STIM1: variants seen among roughly 807,000 people sequenced by gnomAD.
STIM1 encodes the protein stromal interaction molecule 1.
Under a neutral mutation model 74.7 loss-of-function variants are expected in STIM1, and 25 were observed. The observed-to-expected ratio is 0.33, with a 90% CI of 0.24 to 0.47. The LOEUF is 0.47. Among genes scored for constraint, STIM1 ranks in the 20% least tolerant of loss-of-function variants. STIM1 has a pLI of 1.00. For missense variants in STIM1, 728 were observed against 920.8 expected (o/e 0.79, Z 2.71); for synonymous variants, 328 against 348.8 (o/e 0.94, Z 0.66).
chr11:4,000,641 C>A lies in STIM1; in HGVS notation c.271-23232C>A, dbSNP rs2093706407. ...TAAAACCACAAAGATAGGGAAAAAA[C>A]AGAGCAGAAAAACTGGAAACTCTAA... On this transcript the variant is annotated intron_variant, in intron 2 of 12. Coordinates refer to ENST00000526596, the MANE Select transcript of STIM1 (RefSeq NM_001382567.1). Among the ~76,000 whole-genome samples, 3 of 152,114 alleles carry A rather than the reference C, an allele frequency of 2.0e-5. No individual in the cohort carries two copies. The South Asian group carries it at 6.2e-4, about 32-fold the overall frequency.
At chr11:4,052,708 C>T (rs2094253413) in intron 3 of STIM1, among the ~76,000 whole-genome samples, 2 of 152,186 alleles carry the variant, frequency 1.3e-5, no homozygotes, top group Non-Finnish European at 2.9e-5. Flanking sequence ...ACACCAAAAG[C>T]AATGGCAACA....
chr11:3,923,804 G>C (rs1383584029), intron 1 of STIM1, among the ~76,000 whole-genome samples: 1 of 151,966 alleles, frequency 6.6e-6, no homozygotes, highest in Non-Finnish European at 1.5e-5. Context: ...TCAGGTTGTT[G>C]TTCTTCAGCA....
At chr11:3,998,643 T>G (rs2093683974) in intron 2 of STIM1, among the ~76,000 whole-genome samples, 2 of 152,114 alleles carry the variant, frequency 1.3e-5, no homozygotes, top group South Asian at 2.1e-4. Context: ...TAAAATATAG[T>G]CTCTATTTTT....
At chr11:3,872,801 G>T (rs1032480821) in intron 1 of STIM1, among the ~76,000 whole-genome samples, 1 of 152,144 alleles carries the variant, frequency 6.6e-6, no homozygotes, top group African/African-American at 2.4e-5. Context: ...GATTACAGGC[G>T]TGAGCCACCG....
intron 1 of STIM1, among the ~76,000 whole-genome samples, chr11:3,963,541 T>G (rs1165064369): frequency 6.6e-6 from 1 of 152,236 alleles, no homozygotes; most frequent in African/African-American, 2.4e-5. Context: ...TAAAAACATA[T>G]GCCTATGCTA....
chr11:3,918,428 G>A (rs2092676300), intron 1 of STIM1, among the ~76,000 whole-genome samples: 1 of 151,566 alleles, frequency 6.6e-6, no homozygotes, highest in Non-Finnish European at 1.5e-5. Context: ...TGTACCTGTA[G>A]TCCTAGCTAC....
intron 1 of STIM1, among the ~76,000 whole-genome samples, chr11:3,942,386 T>C (rs2093022366): frequency 6.6e-6 from 1 of 152,154 alleles, no homozygotes; most frequent in Non-Finnish European, 1.5e-5. Context: ...CCTTGTAAAC[T>C]TGTAAGTCCC....
chr11:3,965,758 C>T (rs1042954820), intron 1 of STIM1, among the ~76,000 whole-genome samples: 1 of 152,258 alleles, frequency 6.6e-6, no homozygotes, highest in African/African-American at 2.4e-5. Flanking sequence ...GTAATCCCAG[C>T]ACTTCGGGAG....
Position 4,082,296 on chromosome 11 carries a change from A to G in STIM1, c.1082A>G (p.Tyr361Cys), listed in dbSNP as rs1482744518. ...CTGACACATGAGGTGGAGGTGCAATATTACAACATCAAGAAGCAAAATGCT... is the reference window on the plus strand; with the variant it reads ...CTGACACATGAGGTGGAGGTGCAATGTTACAACATCAAGAAGCAAAATGCT... ...LQLTHEVEVQYYNIKKQNAEK... is the reference protein window; with the variant it reads ...LQLTHEVEVQCYNIKKQNAEK... The change falls in exon 8 of 13, where the codon TAT (tyrosine) becomes TGT (cysteine). Residue 361 changes from tyrosine to cysteine, a missense_variant. Tyr to Cys is a radical substitution (Grantham distance 194). Around this residue, in one of 5 missense-constraint regions of STIM1, gnomAD observed 131 missense variants for 235.9 expected, o/e 0.56. Coordinates refer to ENST00000526596, the MANE Select transcript of STIM1 (RefSeq NM_001382567.1). 1 of 1,613,886 alleles carries G rather than the reference A, an allele frequency of 6.2e-7. No homozygotes were observed. Among genetic ancestry groups the G allele is most frequent in the East Asian group, 2.2e-5 (1 of 44,880 alleles).
At chr11:4,019,239 C>G (rs1163689250) in intron 2 of STIM1, 2 of 152,198 alleles carry the variant, frequency 1.3e-5, no homozygotes, top group Admixed American at 1.3e-4. Flanking sequence ...CTTGATTCCT[C>G]TCATTAAAAT....
At chr11:3,953,014 T>C (rs2093167534) in intron 1 of STIM1, among the ~76,000 whole-genome samples, 1 of 152,154 alleles carries the variant, frequency 6.6e-6, no homozygotes, top group African/African-American at 2.4e-5. Flanking sequence ...GGAGGCTTCT[T>C]GTGAGATCAA....
At chr11:4,065,505 G>A (rs2094359831) in intron 5 of STIM1, among the ~76,000 whole-genome samples, 1 of 146,392 alleles carries the variant, frequency 6.8e-6, no homozygotes, top group Admixed American at 6.8e-5. Context: ...ATGTCTCTCT[G>A]CCTTTTATCC....
chr11:4,088,686 T>C, intron 12 of STIM1: 2 of 1,535,408 alleles, frequency 1.3e-6, no homozygotes, highest in Non-Finnish European at 1.7e-6. Flanking sequence ...TAATTTTCTT[T>C]TGCACCACGC....
chr11:3,970,438 G>T (rs1427227306), intron 2 of STIM1, among the ~76,000 whole-genome samples: 1 of 152,054 alleles, frequency 6.6e-6, no homozygotes, highest in Non-Finnish European at 1.5e-5. Context: ...TAGAGTTCAG[G>T]ATCTAACTAG....
chr11:3,951,700 C>T (rs1157009939), intron 1 of STIM1, among the ~76,000 whole-genome samples: 1 of 152,144 alleles, frequency 6.6e-6, no homozygotes, highest in Non-Finnish European at 1.5e-5. Context: ...GTTGGACATG[C>T]CCCCTAGGTG....
rs555559628 is a variant in STIM1, at chr11:4,090,844, C to G, written c.1635-438C>G. Among the ~76,000 whole-genome samples, 8 of 152,232 alleles carry G rather than the reference C, an allele frequency of 5.3e-5. No individual in the cohort carries two copies. In the East Asian group the frequency reaches 1.4e-3, roughly 26 times the overall value. ...CCAGAGCATTCACCACTGGTGGGGC[C>G]CAGGTATTGGAAAACCATTTGCCAG... On this transcript the variant is annotated intron_variant, in intron 12 of 12. Coordinates refer to ENST00000526596, the MANE Select transcript of STIM1 (RefSeq NM_001382567.1).
At chr11:4,048,442 A>G (rs1324472213) in intron 3 of STIM1, among the ~76,000 whole-genome samples, 1 of 152,176 alleles carries the variant, frequency 6.6e-6, no homozygotes, top group Non-Finnish European at 1.5e-5. Flanking sequence ...ATCCAATAAA[A>G]TGATGCTTTT....
intron 2 of STIM1, among the ~76,000 whole-genome samples, chr11:3,992,240 C>G (rs1289682610): frequency 6.7e-6 from 1 of 148,814 alleles, no homozygotes; most frequent in African/African-American, 2.5e-5. Flanking sequence ...AGAACTTGGT[C>G]TCTACAAAAA....
rs115815949 is a variant in STIM1, at chr11:4,037,659, T to C, written c.385+13672T>C. On this transcript the variant is annotated intron_variant, in intron 3 of 12. Coordinates refer to ENST00000526596, the MANE Select transcript of STIM1 (RefSeq NM_001382567.1). ...TCTACATTTAATCTATTTGTATTTT[T>C]ATATTTAAAGTACATTTCCTGTAGG... Among the ~76,000 whole-genome samples, 1,492 of 152,286 alleles carry C rather than the reference T, an allele frequency of 9.8e-3. 26 individuals are homozygous for C. Among genetic ancestry groups the C allele is most frequent in the African/African-American group, 0.034 (1,411 of 41,568 alleles).
Sources: allele counts gnomAD v4.1 joint callset (sites outside exome capture counted in the v4.1 genomes callset), GRCh38; gene constraint gnomAD v4.1.1; regional missense constraint gnomAD v4.1.1; transcripts MANE v1.5; gene names NCBI Gene and HGNC (gene_info 2026-07-23, HGNC 2026-07-21).